RREB1: variants seen among roughly 807,000 people sequenced by gnomAD.
The protein encoded by RREB1 is ras-responsive element-binding protein 1.
RREB1 carries 27 observed loss-of-function variants against 117.8 expected under a neutral mutation model. That is an observed-to-expected ratio of 0.23 (90% CI 0.17 to 0.32). The LOEUF is 0.32. Among genes scored for constraint, RREB1 ranks in the 10% least tolerant of loss-of-function variants. RREB1 has a pLI of 1.00. For synonymous variants in RREB1, 1,298 were observed against 1,026.7 expected, an observed-to-expected ratio of 1.26 and a Z score of -5.05; for missense variants, 2,577 against 2,378.2, an observed-to-expected ratio of 1.08 and a Z score of -1.74.
Position 7,231,603 on chromosome 6 carries a change from C to T in RREB1, c.3504C>T (p.Gly1168=), listed in dbSNP as rs748557889. The change falls in exon 10 of 13, where the codon GGC becomes GGT. Residue 1168 remains glycine (G), a synonymous_variant. Coordinates refer to ENST00000379938, the MANE Select transcript of RREB1 (RefSeq NM_001003699.4). ...GMRSRPRANS[G]GVDLDSSGEF... ...GGAGCCGACCCCGCGCCAACAGCGGCGGGGTGGACCTGGACTCCAGCGGGG... is the reference window on the plus strand; with the variant it reads ...GGAGCCGACCCCGCGCCAACAGCGGTGGGGTGGACCTGGACTCCAGCGGGG... 3.0e-5 allele frequency: 49 copies of T among 1,611,616 alleles called. No individual in the cohort carries two copies. The Middle Eastern group carries it at 8.7e-4, about 28-fold the overall frequency.
chr6:7,188,904 T>G (rs148153368), intron 5 of RREB1, among the ~76,000 whole-genome samples: 188 of 152,308 alleles, frequency 1.2e-3, no homozygotes, highest in African/African-American at 4.3e-3. Flanking sequence ...CTGGGAAGGC[T>G]CTACTTCTTT....
Position 7,240,452 on chromosome 6 carries a change from C to T in RREB1, c.3823C>T (p.Pro1275Ser), listed in dbSNP as rs867109716. 6.2e-7 allele frequency: 1 copy of T among 1,613,392 alleles called. No homozygotes were observed. Among genetic ancestry groups the T allele is most frequent in the South Asian group, 1.1e-5 (1 of 90,980 alleles). Reference sequence around the variant, plus strand: ...TCCTGCTTCAGGTCAGAAACCCTTCCCTTGTCAAAAATGCGATGCCTTCTT... The same window carrying T: ...TCCTGCTTCAGGTCAGAAACCCTTCTCTTGTCAAAAATGCGATGCCTTCTT... ...MLTHTGQKPFPCQKCDAFFST... is the reference protein window; with the variant it reads ...MLTHTGQKPFSCQKCDAFFST... Residue 1275 changes from proline to serine, a missense_variant, in exon 11 of 13, where the codon CCT (proline) becomes TCT (serine). Pro to Ser is a moderately conservative substitution (Grantham distance 74, BLOSUM62 -1). Coordinates refer to ENST00000379938, the MANE Select transcript of RREB1 (RefSeq NM_001003699.4).
intron 1 of RREB1, among the ~76,000 whole-genome samples, chr6:7,168,801 G>A (rs1347371342): frequency 6.6e-6 from 1 of 152,166 alleles, no homozygotes; most frequent in African/African-American, 2.4e-5. Context: ...GTTTTTCAAA[G>A]ACCCTTCTTG....
intron 1 of RREB1, among the ~76,000 whole-genome samples, chr6:7,175,092 A>C (rs1009380733): frequency 2.0e-5 from 3 of 152,204 alleles, no homozygotes; most frequent in Non-Finnish European, 2.9e-5. Flanking sequence ...ATTAATTAAA[A>C]TATGAAAAAA....
rs761309732 is a variant in RREB1 at position 7,229,170 on chromosome 6, C to T, written c.1071C>T (p.Ala357=). The T allele has an allele frequency of 1.4e-5, 22 of 1,610,656 alleles. No homozygotes were observed. In the South Asian group the frequency reaches 2.4e-4, roughly 18 times the overall value. The stretch of plus-strand genomic sequence containing the variant: ...AGGCCACGCCCCTGCCTGGTGACGC[C>T]CTGGACCAGAAGGGCTTCCTGGCCT... ...KPQATPLPGD[A]LDQKGFLALL... Residue 357 remains alanine (A), a synonymous_variant, in exon 10 of 13, where the codon GCC becomes GCT. Coordinates refer to ENST00000379938, the MANE Select transcript of RREB1 (RefSeq NM_001003699.4). This position sits in a 1 kb window ranked among gnomAD's most constrained non-coding sequence, Gnocchi z 4.5.
chr6:7,194,517 C>T (rs1364765809), intron 6 of RREB1, among the ~76,000 whole-genome samples: 5 of 152,202 alleles, frequency 3.3e-5, no homozygotes, highest in Non-Finnish European at 5.9e-5. Flanking sequence ...TGCCACTGCA[C>T]TCCAGCGTGG....
At chr6:7,203,177 AAGTC>A (rs1021007194) in intron 6 of RREB1, among the ~76,000 whole-genome samples, 4 of 152,030 alleles carry the variant, frequency 2.6e-5, no homozygotes, top group African/African-American at 9.7e-5. Context: ...CTGGATCTGA[AAGTC>A]AGGAGAGGAG....
Position 7,152,311 on chromosome 6 carries a change from T to C in RREB1, c.-284-24344T>C, listed in dbSNP as rs549786206. ...CTTTCTTGGTCTCTCTAATTTCTTA[T>C]AAGTGGTGTATTACATGATTTTAAA... On this transcript the variant is annotated intron_variant, in intron 1 of 12. Transcript: ENST00000379938. Among the ~76,000 whole-genome samples the C allele has an allele frequency of 1.7e-3, 265 of 152,382 alleles. 1 individual carries two copies. Among genetic ancestry groups the C allele is most frequent in the African/African-American group, 5.8e-3 (243 of 41,594 alleles).
chr6:7,161,237 G>A (rs1225307344), intron 1 of RREB1, among the ~76,000 whole-genome samples: 1 of 152,022 alleles, frequency 6.6e-6, no homozygotes, highest in Admixed American at 6.5e-5. Flanking sequence ...CTTATGACAC[G>A]TCCCTCTATT....
In RREB1 at chr6:7,189,308, T is replaced by C; in HGVS notation, c.411T>C (p.Asn137=). 2 of 1,592,180 alleles carry C rather than the reference T, an allele frequency of 1.3e-6. No individual in the cohort carries two copies. The highest frequency in any genetic ancestry group is 1.7e-6 in the Non-Finnish European group (2 of 1,168,564). The change falls in exon 6 of 13, where the codon AAT becomes AAC. Residue 137 remains asparagine, a synonymous_variant. Transcript: ENST00000379938. ...TGTGTGGCCAGTCATTTACCACCAATGGGAACATGCACAGGTGGGTGAGGG... is the reference window on the plus strand; with the variant it reads ...TGTGTGGCCAGTCATTTACCACCAACGGGAACATGCACAGGTGGGTGAGGG... ...CTVCGQSFTT[N]GNMHRHMKIH... is the part of the protein sequence containing the mutation.
chr6:7,189,009 C>A, intron 5 of RREB1, 150 bp from the exon 6 acceptor site: 1 of 675,048 alleles, frequency 1.5e-6, no homozygotes, highest in Non-Finnish European at 2.4e-6. Flanking sequence ...ATACATTTTA[C>A]CCCTTCAGAA....
intron 1 of RREB1, among the ~76,000 whole-genome samples, chr6:7,157,596 C>T (rs960481090): frequency 3.3e-5 from 5 of 151,810 alleles, no homozygotes; most frequent in Non-Finnish European, 7.4e-5. Flanking sequence ...CATAGTGAGA[C>T]TCCGTCTCTC....
chr6:7,158,223 C>G (rs142159442), intron 1 of RREB1, among the ~76,000 whole-genome samples: 7 of 152,242 alleles, frequency 4.6e-5, no homozygotes, highest in African/African-American at 1.4e-4. Context: ...CAGAGCGACT[C>G]TCTTCCTTTC....
rs116180787 is a variant in RREB1, at chr6:7,112,927, G to A, written c.-285+4867G>A. On this transcript the variant is annotated intron_variant, in intron 1 of 12. Transcript: ENST00000379938. ...TGGCAGTGGCGGGTTGGGGTGAAGC[G>A]GATGGGGAGGAGGAGACTGGGAGCG... Among the ~76,000 whole-genome samples, 433 of 152,312 alleles carry A rather than the reference G, an allele frequency of 2.8e-3. 1 individual carries two copies. The highest frequency in any genetic ancestry group is 0.01 in the African/African-American group (422 of 41,560).
chr6:7,187,681 G>A (rs1020734755), intron 5 of RREB1, 158 bp downstream of exon 5: 5 of 334,608 alleles, frequency 1.5e-5, no homozygotes, highest in Admixed American at 4.8e-5. Flanking sequence ...CAGTACCTTC[G>A]GACCAGCCTA....
At chr6:7,116,338 A>C (rs1403642293) in intron 1 of RREB1, among the ~76,000 whole-genome samples, 2 of 152,086 alleles carry the variant, frequency 1.3e-5, no homozygotes, top group African/African-American at 4.8e-5. Context: ...TTCAGCAATA[A>C]AAATTTTGTA....
chr6:7,241,505 C>G (rs186899187), intron 11 of RREB1, among the ~76,000 whole-genome samples: 153 of 152,308 alleles, frequency 1.0e-3, no homozygotes, highest in African/African-American at 3.5e-3. Flanking sequence ...GAGATCCCCC[C>G]AGCTGTGTTT....
Position 7,210,913 on chromosome 6 carries a change from G to A in RREB1, c.535G>A (p.Glu179Lys), listed in dbSNP as rs770292536. 27 of 1,614,006 alleles carry A rather than the reference G, an allele frequency of 1.7e-5. No individual in the cohort carries two copies. Among genetic ancestry groups the A allele is most frequent in the African/African-American group, 4.0e-5 (3 of 74,900 alleles). The change falls in exon 7 of 13, where the codon GAG (glutamate) becomes AAG (lysine). Residue 179 changes from glutamate to lysine, a missense_variant. By Grantham distance (56) the Glu-to-Lys change is moderately conservative (BLOSUM62 1). Coordinates refer to ENST00000379938, the MANE Select transcript of RREB1 (RefSeq NM_001003699.4). ...SSKRKLSHDA[E>K]SEREDPAPAK... ...CAAGAGGAAACTGAGTCACGATGCC[G>A]AGTCAGAGAGAGAAGACCCAGCACC... is the stretch of plus-strand genomic sequence containing the variant.
At chr6:7,200,242 A>C (rs867992461) in intron 6 of RREB1, among the ~76,000 whole-genome samples, 1 of 104,420 alleles carries the variant, frequency 9.6e-6, no homozygotes, top group African/African-American at 3.7e-5. Flanking sequence ...GTATGTGTGT[A>C]TATGTGTGTG....
Sources: gnomAD v4.1 joint callset for allele counts (sites outside exome capture counted in the v4.1 genomes callset) on GRCh38, gnomAD v4.1.1 for gene constraint, Gnocchi (gnomAD v3.1) non-coding constraint, MANE v1.5 for transcripts, NCBI Gene and HGNC (gene_info 2026-07-23, HGNC 2026-07-21) for gene names.